The following SGCZ variants were observed in gnomAD, a reference collection of about 807,000 sequenced individuals.
The protein encoded by SGCZ is zeta-sarcoglycan.
Under a neutral mutation model 41.3 loss-of-function variants are expected in SGCZ, and 40 were observed. The observed-to-expected ratio is 0.97, with a 90% confidence interval of 0.75 to 1.26. The LOEUF is 1.26. Ranked by LOEUF, SGCZ falls within the 50% of genes most tolerant of loss-of-function variation. SGCZ has a pLI of 0.00. For synonymous variants in SGCZ, 206 were observed against 137.5 expected, an observed-to-expected ratio of 1.50 and a Z score of -3.49; for missense variants, 552 against 369.8, an observed-to-expected ratio of 1.49 and a Z score of -4.04.
At chr8:14,664,562 G>A (rs1286943008) in intron 1 of SGCZ, among the ~76,000 whole-genome samples, 3 of 152,106 alleles carry the variant, frequency 2.0e-5, no homozygotes, top group African/African-American at 7.2e-5. Context: ...CATACTTTAA[G>A]GAGGACAAGA....
At chr8:14,732,934 A>C (rs1368387913) in intron 1 of SGCZ, among the ~76,000 whole-genome samples, 1 of 12,762 alleles carries the variant, frequency 7.8e-5, no homozygotes, top group Non-Finnish European at 2.3e-4. Context: ...TATTACCTAC[A>C]AAATAAGATT....
chr8:14,419,239 C>A (rs560257623), intron 2 of SGCZ, among the ~76,000 whole-genome samples: 1 of 152,000 alleles, frequency 6.6e-6, no homozygotes, highest in African/African-American at 2.4e-5. Context: ...GCTAATGTGG[C>A]AACATCCATA....
At chr8:14,348,710 A>T (rs764343672) in intron 2 of SGCZ, among the ~76,000 whole-genome samples, 12 of 152,146 alleles carry the variant, frequency 7.9e-5, no homozygotes, top group Admixed American at 3.9e-4. Flanking sequence ...GAAAATTCAA[A>T]AGCTGATTTG....
At chr8:14,850,724 C>G (rs1803285151) in intron 1 of SGCZ, among the ~76,000 whole-genome samples, 1 of 152,098 alleles carries the variant, frequency 6.6e-6, no homozygotes, top group African/African-American at 2.4e-5. Flanking sequence ...AGGGAGAGAC[C>G]AGGTGGAGGT....
chr8:14,633,831 T>G (rs941672876), intron 1 of SGCZ, among the ~76,000 whole-genome samples: 1 of 151,908 alleles, frequency 6.6e-6, no homozygotes, highest in African/African-American at 2.4e-5. Context: ...AGTAGTCCAG[T>G]GTTCTGAACA....
intron 2 of SGCZ, among the ~76,000 whole-genome samples, chr8:14,403,466 C>T (rs1799132049): frequency 6.6e-6 from 1 of 151,688 alleles, no homozygotes; most frequent in African/African-American, 2.4e-5. Flanking sequence ...TACATCCCAT[C>T]AATACCTAAT....
chr8:14,717,046 T>A (rs1413210076), intron 1 of SGCZ, among the ~76,000 whole-genome samples: 1 of 152,118 alleles, frequency 6.6e-6, no homozygotes, highest in Non-Finnish European at 1.5e-5. Context: ...CATTTTTGAA[T>A]AATGCTCGAA....
At chr8:14,810,029 A>G (rs958386741) in intron 1 of SGCZ, among the ~76,000 whole-genome samples, 16 of 152,268 alleles carry the variant, frequency 1.1e-4, no homozygotes, top group Middle Eastern at 3.4e-3. Context: ...AAGAAAAAGT[A>G]TATCTTTTAG....
At chr8:14,578,431 G>A (rs1020271036) in intron 1 of SGCZ, among the ~76,000 whole-genome samples, 1 of 152,118 alleles carries the variant, frequency 6.6e-6, no homozygotes, top group Admixed American at 6.5e-5. Context: ...CCCTGGGTTT[G>A]GTTCATGGCT....
intron 2 of SGCZ, among the ~76,000 whole-genome samples, chr8:14,479,780 C>G (rs1454505516): frequency 1.6e-5 from 2 of 121,982 alleles, no homozygotes; most frequent in Middle Eastern, 5.0e-3. Flanking sequence ...TGGAGTTTAG[C>G]TCTTGCAGTG....
intron 1 of SGCZ, among the ~76,000 whole-genome samples, chr8:15,023,756 G>A (rs530600289): frequency 1.1e-4 from 16 of 152,244 alleles, no homozygotes; most frequent in Non-Finnish European, 2.2e-4. Context: ...TTGAATAGTG[G>A]ACAGTAGACA....
At chr8:14,123,545 A>G (rs984767145) in intron 5 of SGCZ, among the ~76,000 whole-genome samples, 1 of 152,214 alleles carries the variant, frequency 6.6e-6, no homozygotes, top group African/African-American at 2.4e-5. Context: ...AATAGTTCAC[A>G]TCCAGAGCCA....
intron 1 of SGCZ, among the ~76,000 whole-genome samples, chr8:14,832,219 T>A (rs1213605599): frequency 6.6e-6 from 1 of 152,210 alleles, no homozygotes; most frequent in African/African-American, 2.4e-5. Context: ...CTATTCTATT[T>A]GCTTTCTTGT....
chr8:14,354,946 G>C (rs1051587306), intron 2 of SGCZ, among the ~76,000 whole-genome samples: 8 of 151,738 alleles, frequency 5.3e-5, no homozygotes, highest in African/African-American at 1.9e-4. Flanking sequence ...TGGATGTATT[G>C]CTAAGCAGTT....
At chr8:14,691,839 C>G (rs998658291) in intron 1 of SGCZ, among the ~76,000 whole-genome samples, 2 of 151,794 alleles carry the variant, frequency 1.3e-5, no homozygotes, top group African/African-American at 4.8e-5. Flanking sequence ...GAAAACAACA[C>G]AAAAATGTCA....
intron 2 of SGCZ, among the ~76,000 whole-genome samples, chr8:14,520,951 T>A (rs997616899): frequency 6.6e-6 from 1 of 152,158 alleles, no homozygotes; most frequent in Non-Finnish European, 1.5e-5. Flanking sequence ...TAGTAAAACA[T>A]AGAATCAAGA....
At chr8:14,541,018 A>ATATATATG (rs751765000) in intron 2 of SGCZ, among the ~76,000 whole-genome samples, 2 of 150,972 alleles carry the variant, frequency 1.3e-5, no homozygotes, top group Non-Finnish European at 3.0e-5. Flanking sequence ...AGATGAGAAC[A>ATATATATG]TATATATGTA....
intron 1 of SGCZ, among the ~76,000 whole-genome samples, chr8:14,636,343 A>T (rs1428551953): frequency 6.6e-6 from 1 of 151,926 alleles, no homozygotes; most frequent in African/African-American, 2.4e-5. Context: ...TAACCACAAT[A>T]TATGGAATAG....
At chr8:15,190,334 T>TTTCATTCATTCA (rs111964133) in intron 1 of SGCZ, among the ~76,000 whole-genome samples, 6,786 of 150,572 alleles carry the variant, frequency 0.045, 205 homozygotes, top group Non-Finnish European at 0.057. Flanking sequence ...GGATAATTCA[T>TTTCATTCATTCA]TTCATTCATT....
Sources: allele counts gnomAD v4.1 joint callset (sites outside exome capture counted in the v4.1 genomes callset), GRCh38; gene constraint gnomAD v4.1.1; transcripts MANE v1.5; gene names NCBI Gene and HGNC (gene_info 2026-07-23, HGNC 2026-07-21).